The following PTPRD variants were observed in gnomAD, a reference collection of about 807,000 sequenced individuals.
PTPRD encodes receptor-type tyrosine-protein phosphatase delta.
In PTPRD, 34 loss-of-function variants were observed where a neutral mutation model predicts 214.5. The ratio of observed to expected loss-of-function variants is 0.16; its 90% CI spans 0.12 to 0.21. PTPRD has a LOEUF of 0.21. PTPRD is among the 10% of genes least tolerant of loss of function. PTPRD has a pLI of 1.00. For synonymous variants in PTPRD, 1,128 were observed against 845.7 expected (o/e 1.33, Z -5.79); for missense variants, 2,545 against 2,398.7 (o/e 1.06, Z -1.27).
chr9:9,401,210 T>A (rs923982931), intron 8 of PTPRD, among the ~76,000 whole-genome samples: 2 of 152,092 alleles, frequency 1.3e-5, no homozygotes, highest in Non-Finnish European at 2.9e-5. Flanking sequence ...GAAATTCTTA[T>A]GAGTTTCAGT....
At chr9:10,176,112 G>A (rs912263811) in intron 3 of PTPRD, among the ~76,000 whole-genome samples, 12 of 151,892 alleles carry the variant, frequency 7.9e-5, no homozygotes, top group African/African-American at 2.9e-4. Context: ...TCTTTGAGGA[G>A]CATAAATTGT....
rs116449053 is a variant in PTPRD at position 8,806,342 on chromosome 9, G to A, written c.-103-72396C>T. On this transcript the variant is annotated intron_variant, in intron 11 of 45. Coordinates refer to ENST00000381196, the MANE Select transcript of PTPRD (RefSeq NM_002839.4). ...TTTCATTTCCAAAGAGTTATAAAATGCTGACATCACCAGTAAATTGATTTC... is the reference window on the plus strand; with the variant it reads ...TTTCATTTCCAAAGAGTTATAAAATACTGACATCACCAGTAAATTGATTTC... 5.3e-3 allele frequency among the ~76,000 whole-genome samples: 809 copies of A among 151,714 alleles called. 8 individuals are homozygous for A. Among genetic ancestry groups the A allele is most frequent in the African/African-American group, 0.018 (764 of 41,344 alleles).
At chr9:8,961,875 C>T (rs1329192937) in intron 11 of PTPRD, among the ~76,000 whole-genome samples, 2 of 152,030 alleles carry the variant, frequency 1.3e-5, no homozygotes, top group African/African-American at 4.8e-5. Flanking sequence ...CTCACCATGA[C>T]AGCATGAAAA....
At chr9:9,752,389 G>C (rs1165954379) in intron 6 of PTPRD, among the ~76,000 whole-genome samples, 2 of 151,998 alleles carry the variant, frequency 1.3e-5, no homozygotes, top group African/African-American at 4.8e-5. Context: ...CTTCATTTTA[G>C]AGATGAACAA....
intron 2 of PTPRD, among the ~76,000 whole-genome samples, chr9:10,611,926 C>G: frequency 9.3e-6 from 1 of 107,880 alleles, no homozygotes; most frequent in East Asian, 3.1e-4. Context: ...CTTTTTTTTT[C>G]TAGAGCTTTT....
intron 10 of PTPRD, among the ~76,000 whole-genome samples, chr9:9,128,897 A>G (rs899286159): frequency 1.3e-5 from 2 of 152,248 alleles, no homozygotes; most frequent in Admixed American, 6.5e-5. Context: ...AAGTCTAAAC[A>G]AATGTTAAAT....
At chr9:8,946,050 T>A (rs945251006) in intron 11 of PTPRD, among the ~76,000 whole-genome samples, 1 of 152,164 alleles carries the variant, frequency 6.6e-6, no homozygotes, top group East Asian at 1.9e-4. Context: ...ATTGATTTAA[T>A]TCACTCATAC....
At chr9:8,954,313 A>G (rs76465908) in intron 11 of PTPRD, among the ~76,000 whole-genome samples, 3,018 of 151,988 alleles carry the variant, frequency 0.02, 106 homozygotes, top group African/African-American at 0.067. Flanking sequence ...TGAACATAAA[A>G]AAAGGAGCAA....
At chr9:8,559,722 T>C (rs1018944133) in intron 14 of PTPRD, among the ~76,000 whole-genome samples, 5 of 152,148 alleles carry the variant, frequency 3.3e-5, no homozygotes, top group African/African-American at 1.2e-4. Context: ...CTATCACCTT[T>C]CAAACTGACA....
chr9:9,414,497 T>A (rs1031336233), intron 8 of PTPRD, among the ~76,000 whole-genome samples: 2 of 152,192 alleles, frequency 1.3e-5, no homozygotes, highest in Non-Finnish European at 2.9e-5. Flanking sequence ...GGTAATTGAG[T>A]CTTCCTGGTA....
intron 7 of PTPRD, among the ~76,000 whole-genome samples, chr9:9,667,127 C>T (rs1247731653): frequency 1.3e-5 from 2 of 151,960 alleles, no homozygotes; most frequent in African/African-American, 4.8e-5. Flanking sequence ...CTCTTTTCTA[C>T]CACGTGCTTT....
intron 3 of PTPRD, among the ~76,000 whole-genome samples, chr9:10,170,559 C>T (rs2099195847): frequency 6.6e-6 from 1 of 151,960 alleles, no homozygotes; most frequent in South Asian, 2.1e-4. Flanking sequence ...TGGTGGCAGG[C>T]GCCTGTAGTC....
chr9:9,233,569 T>C (rs548807704), intron 9 of PTPRD, among the ~76,000 whole-genome samples: 72 of 152,334 alleles, frequency 4.7e-4, no homozygotes, highest in Non-Finnish European at 8.8e-4. Context: ...CAAAGTCTCA[T>C]CTGAGATAAG....
At chr9:10,343,081 A>G (rs933732800) in intron 2 of PTPRD, among the ~76,000 whole-genome samples, 3 of 152,102 alleles carry the variant, frequency 2.0e-5, no homozygotes, top group African/African-American at 7.2e-5. Flanking sequence ...GCACACATCA[A>G]TTCCTCATTT....
intron 5 of PTPRD, among the ~76,000 whole-genome samples, chr9:9,876,433 C>A (rs899850132): frequency 6.6e-6 from 1 of 151,998 alleles, no homozygotes; most frequent in Non-Finnish European, 1.5e-5. Flanking sequence ...TTAAACGGAG[C>A]TGTGAATGTC....
At chr9:9,493,294 G>T (rs1259632256) in intron 8 of PTPRD, among the ~76,000 whole-genome samples, 3 of 152,012 alleles carry the variant, frequency 2.0e-5, no homozygotes, top group Non-Finnish European at 2.9e-5. Flanking sequence ...AATTTTTAAA[G>T]CCCATTGTGG....
chr9:9,215,015 C>G (rs2099951237), intron 9 of PTPRD, among the ~76,000 whole-genome samples: 1 of 152,158 alleles, frequency 6.6e-6, no homozygotes, highest in Non-Finnish European at 1.5e-5. Context: ...ACACACACTA[C>G]TTATATATTT....
At chr9:8,593,893 C>T (rs2094300592) in intron 14 of PTPRD, among the ~76,000 whole-genome samples, 1 of 152,132 alleles carries the variant, frequency 6.6e-6, no homozygotes, top group Non-Finnish European at 1.5e-5. Flanking sequence ...TTTCATTATA[C>T]CACTGATTCT....
intron 8 of PTPRD, among the ~76,000 whole-genome samples, chr9:9,520,376 T>G (rs2096939674): frequency 6.6e-6 from 1 of 150,870 alleles, no homozygotes; most frequent in South Asian, 2.1e-4. Context: ...TATGACAGAA[T>G]TATCTTTGTA....
Sources: allele counts gnomAD v4.1 joint callset (sites outside exome capture counted in the v4.1 genomes callset), GRCh38; gene constraint gnomAD v4.1.1; transcripts MANE v1.5; gene names NCBI Gene and HGNC (gene_info 2026-07-23, HGNC 2026-07-21).